Variants in CYB5RL observed in about 807,000 individuals in gnomAD.
CYB5RL encodes the protein NADH-cytochrome b5 reductase-like.
A neutral mutation model predicts 37.5 loss-of-function variants in CYB5RL; 38 were observed. The ratio of observed to expected loss-of-function variants is 1.01; its 90% CI spans 0.78 to 1.33. The LOEUF is 1.33. Among genes scored for constraint, CYB5RL ranks in the 40% most tolerant of loss-of-function variants. CYB5RL has a pLI of 0.00. For missense variants in CYB5RL, 388 were observed against 394.4 expected (o/e 0.98, Z 0.14); for synonymous variants, 141 against 151.9 (o/e 0.93, Z 0.53).
At chr1:54,176,874 C>G (rs991861477) in intron 7 of CYB5RL, among the ~76,000 whole-genome samples, 1 of 152,120 alleles carries the variant, frequency 6.6e-6, no homozygotes, top group Admixed American at 6.5e-5. Context: ...AGCCTGGGGG[C>G]TCTAGGAAAG....
intron 4 of CYB5RL, among the ~76,000 whole-genome samples, chr1:54,188,922 C>T (rs1174437736): frequency 1.3e-5 from 2 of 152,196 alleles, no homozygotes; most frequent in Non-Finnish European, 2.9e-5. Context: ...TGGTGGCTCA[C>T]GTCTATAATC....
chr1:54,199,734 C>T (rs1339681753), intron 1 of CYB5RL, among the ~76,000 whole-genome samples: 1 of 152,176 alleles, frequency 6.6e-6, no homozygotes, highest in East Asian at 1.9e-4. Context: ...CAGTCACGCT[C>T]AGAGCTGGCT....
intron 3 of CYB5RL, 138 bp from the exon 4 acceptor site, chr1:54,191,034 C>T: frequency 8.6e-7 from 1 of 1,168,032 alleles, no homozygotes; most frequent in Non-Finnish European, 1.2e-6. Context: ...CTAGCCTCAC[C>T]TTACTTCCCT....
At position 54,195,410 on chromosome 1, in the gene CYB5RL, C is replaced by T. The variant is rs1233220337; in HGVS notation, c.198+9G>A. On this transcript the variant is annotated intron_variant, in intron 3 of 7. Coordinates refer to ENST00000534324, the MANE Select transcript of CYB5RL (RefSeq NM_001031672.4). ...CCTGGTGCTCATATCGAGAAGCAGCCTCTCTCACCTGTGACTCTGGCCCAC... is the reference window on the plus strand; with the variant it reads ...CCTGGTGCTCATATCGAGAAGCAGCTTCTCTCACCTGTGACTCTGGCCCAC... The T allele has an allele frequency of 1.3e-6, 2 of 1,569,560 alleles. No homozygotes were observed. Among genetic ancestry groups the T allele is most frequent in the Non-Finnish European group, 1.7e-6 (2 of 1,152,394 alleles).
chr1:54,179,494 T>C, intron 6 of CYB5RL, 142 bp from the exon 7 acceptor site: 1 of 781,036 alleles, frequency 1.3e-6, no homozygotes. Flanking sequence ...GTCCCCTCTC[T>C]ACCTCCTCCA....
At chr1:54,198,402 A>G (rs1644034701) in intron 1 of CYB5RL, among the ~76,000 whole-genome samples, 2 of 149,076 alleles carry the variant, frequency 1.3e-5, no homozygotes, top group South Asian at 4.2e-4. Flanking sequence ...GCGCAATCTC[A>G]GCTCACTGCC....
intron 3 of CYB5RL, among the ~76,000 whole-genome samples, chr1:54,194,029 GATA>G (rs35993013): frequency 4.2e-4 from 61 of 144,250 alleles, no homozygotes; most frequent in African/African-American, 1.1e-3. Flanking sequence ...TAATAATAAT[GATA>G]ATAATAATAA....
At chr1:54,187,007 A>ACCCACATGAAGCTGATGTTTCTTT (rs1643906961) in intron 5 of CYB5RL, among the ~76,000 whole-genome samples, 1 of 152,148 alleles carries the variant, frequency 6.6e-6, no homozygotes, top group African/African-American at 2.4e-5. Context: ...TATTAGGTTG[A>ACCCACATGAAGCTGATGTTTCTTT]CCCACATGAA....
rs952377725 is a variant in CYB5RL at position 54,171,495 on chromosome 1, G to A, written c.*3124C>T. 1.6e-5 allele frequency: 7 copies of A among 448,590 alleles called. No homozygotes were observed. The highest frequency in any genetic ancestry group is 8.0e-5 in the African/African-American group (4 of 49,886). The allele number at this position is 448,590 out of a possible 1,614,324, so 27.8% of individuals were successfully genotyped here. A position where few individuals can be genotyped will look rare whatever the true frequency, so the allele number is the denominator to read the frequency against. On this transcript the variant is annotated 3_prime_UTR_variant, in exon 8 of 8. Transcript: ENST00000534324. ...ATGAGGGGAACACAGAAGTGACGTTGGTAAACATGGTGAGGGCTGAACTAA... is the reference window on the plus strand; with the variant it reads ...ATGAGGGGAACACAGAAGTGACGTTAGTAAACATGGTGAGGGCTGAACTAA...
chr1:54,194,231 G>C (rs187526833), intron 3 of CYB5RL, among the ~76,000 whole-genome samples: 1 of 151,626 alleles, frequency 6.6e-6, no homozygotes, highest in African/African-American at 2.4e-5. Flanking sequence ...TTAGTCAGGT[G>C]TGGTGGCACA....
At chr1:54,175,210 C>T (rs1242841841) in intron 7 of CYB5RL, among the ~76,000 whole-genome samples, 1 of 152,228 alleles carries the variant, frequency 6.6e-6, no homozygotes, top group East Asian at 1.9e-4. Context: ...CATCATCACC[C>T]TCGGAGCATA....
chr1:54,190,939 C>T (rs1643946288), intron 3 of CYB5RL, 43 bp from the exon 4 acceptor site: 2 of 1,592,504 alleles, frequency 1.3e-6, no homozygotes, highest in African/African-American at 1.3e-5. Context: ...CGGGGCTCCA[C>T]AGACACACAG....
At chr1:54,179,407 C>T in intron 6 of CYB5RL, 55 bp from the exon 7 acceptor site, 7 of 1,545,854 alleles carry the variant, frequency 4.5e-6, no homozygotes, top group Non-Finnish European at 5.3e-6. Flanking sequence ...CTCACCTTAT[C>T]CCCTCTACTA....
chr1:54,178,190 G>A (rs1390444110), intron 7 of CYB5RL, among the ~76,000 whole-genome samples: 1 of 152,168 alleles, frequency 6.6e-6, no homozygotes, highest in Non-Finnish European at 1.5e-5. Context: ...CCCTTATATT[G>A]GGACGGGAAA....
intron 6 of CYB5RL, among the ~76,000 whole-genome samples, chr1:54,182,218 T>C (rs537921694): frequency 6.6e-6 from 1 of 152,338 alleles, no homozygotes; most frequent in East Asian, 1.9e-4. Context: ...GCATAGCACA[T>C]ATCTGTAGAA....
At chr1:54,183,954 A>G (rs1033110188) in intron 6 of CYB5RL, 9 of 296,794 alleles carry the variant, frequency 3.0e-5, no homozygotes, top group African/African-American at 2.0e-4. Flanking sequence ...CAGCCTGGGC[A>G]ACAAGAGCGA....
At chr1:54,191,939 A>G (rs532749816) in intron 3 of CYB5RL, among the ~76,000 whole-genome samples, 5 of 152,292 alleles carry the variant, frequency 3.3e-5, no homozygotes, top group African/African-American at 7.2e-5. Context: ...CAGCATATCA[A>G]TTGATCCTCT....
At chr1:54,197,363 T>A (rs1644017965) in intron 1 of CYB5RL, among the ~76,000 whole-genome samples, 1 of 146,264 alleles carries the variant, frequency 6.8e-6, no homozygotes, top group South Asian at 2.2e-4. Flanking sequence ...TTGCCCAGGT[T>A]GCCAGGTTGG....
intron 6 of CYB5RL, among the ~76,000 whole-genome samples, chr1:54,181,813 C>T (rs979536603): frequency 2.6e-5 from 4 of 152,104 alleles, no homozygotes; most frequent in African/African-American, 7.2e-5. Context: ...CTTAGCTGGG[C>T]GTGGTGATAC....
Sources: allele counts gnomAD v4.1 joint callset (sites outside exome capture counted in the v4.1 genomes callset), GRCh38; gene constraint gnomAD v4.1.1; transcripts MANE v1.5; gene names NCBI Gene and HGNC (gene_info 2026-07-23, HGNC 2026-07-21).